The following ARHGAP39 variants were observed in gnomAD, a reference collection of about 807,000 sequenced individuals.
The protein encoded by ARHGAP39 is rho GTPase-activating protein 39.
In ARHGAP39, 44 loss-of-function variants were observed where a neutral mutation model predicts 106.9. The ratio of observed to expected loss-of-function variants is 0.41; its 90% CI spans 0.32 to 0.53. The LOEUF (loss-of-function observed/expected upper bound fraction) is 0.53, where lower values mean the gene tolerates loss of function less well. ARHGAP39 is among the 20% of genes least tolerant of loss of function. The probability of loss-of-function intolerance (pLI) is 0.21; values close to 1 mark genes in which losing one functional copy is unlikely to be tolerated. For missense variants in ARHGAP39, 1,496 were observed against 1,577.3 expected, an observed-to-expected ratio of 0.95 and a Z score of 0.87; for synonymous variants, 768 against 693.2, an observed-to-expected ratio of 1.11 and a Z score of -1.69.
At chr8:144,570,501 GA>G (rs1818549116) in intron 3 of ARHGAP39, among the ~76,000 whole-genome samples, 1 of 152,222 alleles carries the variant, frequency 6.6e-6, no homozygotes. Flanking sequence ...AGAAGACTGT[GA>G]GGGGTAAAGA....
intron 1 of ARHGAP39, among the ~76,000 whole-genome samples, chr8:144,665,756 C>T (rs1161436918): frequency 6.6e-5 from 10 of 152,202 alleles, no homozygotes; most frequent in African/African-American, 1.7e-4. Flanking sequence ...TGTATGGAAA[C>T]GCCTGGATGC....
chr8:144,542,046 C>T (rs1447568967), intron 6 of ARHGAP39, among the ~76,000 whole-genome samples: 1 of 152,094 alleles, frequency 6.6e-6, no homozygotes, highest in Non-Finnish European at 1.5e-5. Context: ...AGCAAATGCC[C>T]ATGTTCAATC....
At chr8:144,536,614 G>A (rs1220422387) in intron 7 of ARHGAP39, among the ~76,000 whole-genome samples, 2 of 152,192 alleles carry the variant, frequency 1.3e-5, no homozygotes, top group African/African-American at 4.8e-5. Flanking sequence ...CATTGCAGCT[G>A]GCCCTCTTCT....
intron 1 of ARHGAP39, among the ~76,000 whole-genome samples, chr8:144,619,409 CCCGTGTGCGT>C (rs1350078683): frequency 2.0e-5 from 3 of 150,676 alleles, no homozygotes; most frequent in African/African-American, 7.3e-5. Flanking sequence ...TGCGTGTGCG[CCCGTGTGCGT>C]GAGCCCGTGT....
Position 144,647,006 on chromosome 8 carries a change from A to G in ARHGAP39, c.-82+38680T>C, listed in dbSNP as rs1209495385. On this transcript the variant is annotated intron_variant, in intron 1 of 11. Coordinates refer to ENST00000377307, the MANE Select transcript of ARHGAP39 (RefSeq NM_025251.3). The surrounding 1 kb of genome is among the most constrained non-coding windows in gnomAD (Gnocchi z 4.8). The stretch of plus-strand genomic sequence containing the variant: ...TTTTTTTGAGACAGAGTCTCGCTTT[A>G]TAGCCAGGCTGGAGTACAACGACAC... Among the ~76,000 whole-genome samples the G allele has an allele frequency of 1.6e-5, 2 of 121,554 alleles. No homozygotes were observed. The highest frequency in any genetic ancestry group is 6.5e-5 in the African/African-American group (2 of 30,918). The allele number at this position is 121,554 out of a possible 152,430, so 79.7% of individuals were successfully genotyped here. A position where few individuals can be genotyped will look rare whatever the true frequency, so the allele number is the denominator to read the frequency against.
In ARHGAP39 at chr8:144,586,252, A is replaced by T. The variant is rs545841208; in HGVS notation, c.81-4975T>A. On this transcript the variant is annotated intron_variant, in intron 2 of 11. Transcript: ENST00000377307. This position sits in a 1 kb window ranked among gnomAD's most constrained non-coding sequence, Gnocchi z 4.2. The stretch of plus-strand genomic sequence containing the variant: ...CGCCTTGGCTTCCCAAAGTGTTGGG[A>T]TTACAGGAGTGAGCCACCGTGCCCG... The T allele has an allele frequency of 6.6e-6, 1 of 152,380 alleles. No individual in the cohort carries two copies. The highest frequency in any genetic ancestry group is 6.5e-5 in the Admixed American group (1 of 15,304). The allele number at this position is 152,380 out of a possible 1,614,324, so 9.4% of individuals were successfully genotyped here.
chr8:144,534,093 C>T lies in ARHGAP39; in HGVS notation c.2688+36G>A, dbSNP rs200911175. 8.4e-4 allele frequency: 1,357 copies of T among 1,608,830 alleles called. 8 individuals carry two copies. The African/African-American group carries it at 0.017, about 20-fold the overall frequency. On this transcript the variant is annotated intron_variant, in intron 8 of 11. Coordinates refer to ENST00000377307, the MANE Select transcript of ARHGAP39 (RefSeq NM_025251.3). ...TGTCCACCAAGGGTCTCTGTGTCCCCGCCTGCCCTCCCCGGCCCCCCAGGC... is the reference window on the plus strand; with the variant it reads ...TGTCCACCAAGGGTCTCTGTGTCCCTGCCTGCCCTCCCCGGCCCCCCAGGC...
At position 144,605,160 on chromosome 8, in the gene ARHGAP39, G is replaced by A. The variant is rs117287422; in HGVS notation, c.80+375C>T. 5.9e-5 allele frequency among the ~76,000 whole-genome samples: 9 copies of A among 152,298 alleles called. No individual in the cohort carries two copies. The East Asian group carries it at 1.5e-3, about 26-fold the overall frequency. On this transcript the variant is annotated intron_variant, in intron 2 of 11. Transcript: ENST00000377307. ...ACCTGCAGTCCCAGCTACTTGGGAG[G>A]TGAGGTGGGAGGACTGCTTTAGCCT...
At chr8:144,621,358 A>T (rs1201573024) in intron 1 of ARHGAP39, among the ~76,000 whole-genome samples, 1 of 152,268 alleles carries the variant, frequency 6.6e-6, no homozygotes, top group Non-Finnish European at 1.5e-5. Flanking sequence ...GAGGCCCTCA[A>T]ACGCAGCTTG....
Position 144,621,922 on chromosome 8 carries a change from G to A in ARHGAP39, c.-81-16227C>T, listed in dbSNP as rs147028171. Among the ~76,000 whole-genome samples the A allele has an allele frequency of 1.6e-3, 246 of 152,374 alleles. 1 individual carries two copies. The highest frequency in any genetic ancestry group is 0.01 in the Middle Eastern group (3 of 294). On this transcript the variant is annotated intron_variant, in intron 1 of 11. Transcript: ENST00000377307. ...GGTCGGCTCAGTGCGGGCCGCACACGCTCAGGTACTCCTCAGAAGAGCTGA... is the reference window on the plus strand; with the variant it reads ...GGTCGGCTCAGTGCGGGCCGCACACACTCAGGTACTCCTCAGAAGAGCTGA...
At position 144,530,116 on chromosome 8, in the gene ARHGAP39, C is replaced by T; in HGVS notation, c.*306G>A. 2.7e-6 allele frequency: 1 copy of T among 371,986 alleles called. No homozygotes were observed. Among genetic ancestry groups the T allele is most frequent in the Non-Finnish European group, 4.9e-6 (1 of 205,030 alleles). 23.0% of individuals were successfully genotyped at this position (371,986 alleles called of 1,614,324 possible). On this transcript the variant is annotated 3_prime_UTR_variant, in exon 12 of 12. Transcript: ENST00000377307. ...GCCCGGCCCCAAGGAGGCAGCGTCG[C>T]TCGGCTCCAGGACACAGAAGGCACT...
chr8:144,595,031 T>C (rs1819558539), intron 2 of ARHGAP39, among the ~76,000 whole-genome samples: 1 of 152,096 alleles, frequency 6.6e-6, no homozygotes, highest in African/African-American at 2.4e-5. Flanking sequence ...AGTACCAACC[T>C]TTCTCAAAAA....
chr8:144,615,991 C>T (rs1378196362), intron 1 of ARHGAP39, among the ~76,000 whole-genome samples: 2 of 152,244 alleles, frequency 1.3e-5, no homozygotes, highest in African/African-American at 2.4e-5. Flanking sequence ...AGGTCAGGGC[C>T]GGCTTCTTCA....
At chr8:144,698,084 T>C in the ARHGAP39 span, among the ~76,000 whole-genome samples, 2 of 152,304 alleles carry the variant, frequency 1.3e-5, no homozygotes, top group Admixed American at 1.3e-4. Flanking sequence ...AGGTGGTACT[T>C]GGTAGGAGGT....
At chr8:144,669,501 G>A (rs114973999) in intron 1 of ARHGAP39, among the ~76,000 whole-genome samples, 3,344 of 53,146 alleles carry the variant, frequency 0.063, 220 homozygotes, top group African/African-American at 0.25. Context: ...GGCGAGACTC[G>A]GTCTCAAAAA....
intron 1 of ARHGAP39, among the ~76,000 whole-genome samples, chr8:144,658,879 A>T (rs1728632982): frequency 1.3e-5 from 2 of 152,278 alleles, no homozygotes; most frequent in South Asian, 2.1e-4. Context: ...ATATTGGGGT[A>T]AATATTAAAT....
chr8:144,588,174 T>A (rs1395603823), intron 2 of ARHGAP39, among the ~76,000 whole-genome samples: 3 of 152,286 alleles, frequency 2.0e-5, no homozygotes, highest in African/African-American at 7.2e-5. Flanking sequence ...CTCGTTGCCC[T>A]GGGCCTGCAG....
rs568465708 is a variant in ARHGAP39 at position 144,534,296 on chromosome 8, G to A, written c.2615-94C>T. ...AGACACAGCTCCTTCGAGGGCCCTGGGGGGCTGGGCTGGCCTTGCCCCGGT... is the reference window on the plus strand; with the variant it reads ...AGACACAGCTCCTTCGAGGGCCCTGAGGGGCTGGGCTGGCCTTGCCCCGGT... On this transcript the variant is annotated intron_variant, in intron 7 of 11. Coordinates refer to ENST00000377307, the MANE Select transcript of ARHGAP39 (RefSeq NM_025251.3). 8 of 1,451,166 alleles carry A rather than the reference G, an allele frequency of 5.5e-6. No homozygotes were observed. The Admixed American group carries it at 8.6e-5, about 16-fold the overall frequency. 89.9% of individuals were successfully genotyped at this position (1,451,166 alleles called of 1,614,324 possible).
rs1304467781 is a variant in ARHGAP39 at position 144,684,237 on chromosome 8, CA to C, written c.-82+1448del. On this transcript the variant is annotated intron_variant, in intron 1 of 11. Transcript: ENST00000377307. The surrounding 1 kb of genome is among the most constrained non-coding windows in gnomAD (Gnocchi z 4.4). Reference sequence around the variant, plus strand: ...CATTTATGGCTACAGAGCCTGCGCCCAGGGCGGTTTATGGAATGAGTCTCCT... The same window carrying C: ...CATTTATGGCTACAGAGCCTGCGCCCGGGCGGTTTATGGAATGAGTCTCCT... 6.6e-6 allele frequency among the ~76,000 whole-genome samples: 1 copy of C among 152,206 alleles called. No individual in the cohort carries two copies. The highest frequency in any genetic ancestry group is 1.5e-5 in the Non-Finnish European group (1 of 68,046).
Sources: gnomAD v4.1 joint callset for allele counts (sites outside exome capture counted in the v4.1 genomes callset) on GRCh38, gnomAD v4.1.1 for gene constraint, Gnocchi (gnomAD v3.1) non-coding constraint, MANE v1.5 for transcripts, NCBI Gene and HGNC (gene_info 2026-07-23, HGNC 2026-07-21) for gene names.